The following GALNT12 variants were observed in gnomAD, a reference collection of about 807,000 sequenced individuals.
GALNT12 encodes UDP-GalNAc:polypeptide N-acetylgalactosaminyltransferase 12.
A neutral mutation model predicts 55.5 loss-of-function variants in GALNT12; 45 were observed. The observed-to-expected ratio is 0.81, with a 90% CI of 0.64 to 1.04. The LOEUF is 1.04. GALNT12 is among the 50% of genes least tolerant of loss of function. The pLI is 0.00. For missense variants in GALNT12, 709 were observed against 754.8 expected, an observed-to-expected ratio of 0.94 and a Z score of 0.71; for synonymous variants, 304 against 312.2, an observed-to-expected ratio of 0.97 and a Z score of 0.28.
At chr9:98,841,510 G>A (rs1278789409) in intron 7 of GALNT12, among the ~76,000 whole-genome samples, 1 of 152,072 alleles carries the variant, frequency 6.6e-6, no homozygotes, top group Non-Finnish European at 1.5e-5. Context: ...CCATTGCCTA[G>A]GCCCATTATT....
intron 2 of GALNT12, among the ~76,000 whole-genome samples, chr9:98,825,059 T>G (rs1342831185): frequency 6.6e-6 from 1 of 152,150 alleles, no homozygotes; most frequent in Non-Finnish European, 1.5e-5. Context: ...AGCTTCTACC[T>G]TGTAGGATCA....
chr9:98,836,907 A>G (rs1836164403), intron 5 of GALNT12, 65 bp from the exon 6 acceptor site: 3 of 1,552,938 alleles, frequency 1.9e-6, no homozygotes, highest in Non-Finnish European at 1.8e-6. Context: ...TCTTTGCTGC[A>G]GATACTATGG....
chr9:98,818,657 C>G (rs537825893), intron 1 of GALNT12, among the ~76,000 whole-genome samples: 3 of 152,230 alleles, frequency 2.0e-5, no homozygotes, highest in African/African-American at 7.2e-5. Context: ...TCCTCAGTCT[C>G]TCATGGTCTG....
At chr9:98,824,140 T>TA (rs1250721274) in intron 2 of GALNT12, among the ~76,000 whole-genome samples, 1 of 152,220 alleles carries the variant, frequency 6.6e-6, no homozygotes, top group East Asian at 1.9e-4. Flanking sequence ...AACTGGCCTC[T>TA]GTGTGTTCTA....
Position 98,831,756 on chromosome 9 carries a change from T to C in GALNT12, c.732-16T>C. The C allele has an allele frequency of 6.2e-7, 1 of 1,614,154 alleles. No homozygotes were observed. Among genetic ancestry groups the C allele is most frequent in the Admixed American group, 1.7e-5 (1 of 60,022 alleles). ...TCTGCATAGGAGAGACGGATGGATG[T>C]CTTGGGTGCTTTCAGGATCCATGAA... is the stretch of plus-strand genomic sequence containing the variant. On this transcript the variant is annotated splice_polypyrimidine_tract_variant and intron_variant, in intron 3 of 9. Transcript: ENST00000375011.
intron 4 of GALNT12, among the ~76,000 whole-genome samples, chr9:98,834,753 T>C (rs7849328): frequency 0.33 from 50,047 of 152,068 alleles, 8,500 homozygotes; most frequent in East Asian, 0.37. Context: ...CAGATGACCA[T>C]GGCCTGGAGC....
At chr9:98,837,539 G>T (rs1345608664) in intron 6 of GALNT12, among the ~76,000 whole-genome samples, 1 of 152,138 alleles carries the variant, frequency 6.6e-6, no homozygotes, top group Non-Finnish European at 1.5e-5. Flanking sequence ...TTGCACTCAT[G>T]GCTAACAGCA....
intron 3 of GALNT12, among the ~76,000 whole-genome samples, chr9:98,831,124 CAAA>C (rs1331250075): frequency 6.6e-6 from 1 of 152,120 alleles, no homozygotes; most frequent in Non-Finnish European, 1.5e-5. Context: ...CTGATACCTG[CAAA>C]AGGAAATTAT....
chr9:98,813,808 T>TA (rs35284739), intron 1 of GALNT12, among the ~76,000 whole-genome samples: 4 of 149,726 alleles, frequency 2.7e-5, no homozygotes, highest in Admixed American at 6.6e-5. Flanking sequence ...CCAAGAGATT[T>TA]AAAAAAAAAA....
Position 98,849,031 on chromosome 9 carries a change from T to G in GALNT12, c.1685T>G (p.Leu562Arg), listed in dbSNP as rs764337232. Residue 562 changes from leucine (L) to arginine (R), a missense_variant, in exon 10 of 10, where the codon CTC (leucine) becomes CGC (arginine). By Grantham distance (102) the Leu-to-Arg change is moderately radical. Transcript: ENST00000375011. ...RKESSDSFVP[L>R]LRDCTNSDHQ... ...GAGTCGAGTGACAGTTTCGTTCCAC[T>G]CTTACGAGACTGCACCAACTCGGAT... 11 of 1,614,100 alleles carry G rather than the reference T, an allele frequency of 6.8e-6. No individual in the cohort carries two copies. Among genetic ancestry groups the G allele is most frequent in the Non-Finnish European group, 5.9e-6 (7 of 1,180,038 alleles).
chr9:98,840,273 C>CTG, intron 7 of GALNT12, 140 bp downstream of exon 7: 1 of 939,864 alleles, frequency 1.1e-6, no homozygotes, highest in East Asian at 2.6e-5. Context: ...CCCCCCACCA[C>CTG]CTTTTTATCC....
At chr9:98,831,264 G>T (rs1336264018) in intron 3 of GALNT12, among the ~76,000 whole-genome samples, 1 of 152,216 alleles carries the variant, frequency 6.6e-6, no homozygotes, top group Non-Finnish European at 1.5e-5. Flanking sequence ...TTAACCCTCT[G>T]AATGGATATT....
Position 98,835,381 on chromosome 9 carries a change from C to T in GALNT12, c.1035+15C>T. On this transcript the variant is annotated intron_variant, in intron 5 of 9. Coordinates refer to ENST00000375011, the MANE Select transcript of GALNT12 (RefSeq NM_024642.5). ...TTTCCTTTAGGGTAAGTATTTCAGT[C>T]TTCTCTTTGGACATGTTCTTAACTG... 6.9e-7 allele frequency: 1 copy of T among 1,448,262 alleles called. No homozygotes were observed. The highest frequency in any genetic ancestry group is 1.1e-5 in the South Asian group (1 of 87,652). 89.7% of individuals were successfully genotyped at this position (1,448,262 alleles called of 1,614,324 possible).
chr9:98,849,022 T>G lies in GALNT12; in HGVS notation c.1676T>G (p.Phe559Cys), dbSNP rs985361459. ...GCGAGGAAGGAGTCGAGTGACAGTTTCGTTCCACTCTTACGAGACTGCACC... is the reference window on the plus strand; with the variant it reads ...GCGAGGAAGGAGTCGAGTGACAGTTGCGTTCCACTCTTACGAGACTGCACC... ...QAARKESSDS[F>C]VPLLRDCTNS... Residue 559 changes from phenylalanine to cysteine, a missense_variant, in exon 10 of 10, where the codon TTC becomes TGC. Phe to Cys is a radical substitution (Grantham distance 205). Around this residue, in one of 5 missense-constraint regions of GALNT12, gnomAD observed 262 missense variants for 310.7 expected, o/e 0.84. Coordinates refer to ENST00000375011, the MANE Select transcript of GALNT12 (RefSeq NM_024642.5). 3 of 1,614,082 alleles carry G rather than the reference T, an allele frequency of 1.9e-6. No individual in the cohort carries two copies. Among genetic ancestry groups the G allele is most frequent in the Admixed American group, 1.7e-5 (1 of 60,006 alleles).
chr9:98,808,385 C>G (rs1835424229), intron 1 of GALNT12, among the ~76,000 whole-genome samples: 1 of 152,142 alleles, frequency 6.6e-6, no homozygotes, highest in Non-Finnish European at 1.5e-5. Flanking sequence ...GCGAGGACCC[C>G]CCAGCACCCA....
chr9:98,816,035 G>T (rs770184932), intron 1 of GALNT12, among the ~76,000 whole-genome samples: 1 of 152,114 alleles, frequency 6.6e-6, no homozygotes, highest in Non-Finnish European at 1.5e-5. Flanking sequence ...AAAGTACAAG[G>T]CGTGCTGAAA....
intron 8 of GALNT12, among the ~76,000 whole-genome samples, chr9:98,845,297 C>G (rs751879253): frequency 6.6e-6 from 1 of 152,096 alleles, no homozygotes; most frequent in African/African-American, 2.4e-5. Flanking sequence ...CCACCTGTGT[C>G]AGAATTTTTG....
chr9:98,843,283 C>T (rs1429864164), intron 7 of GALNT12, among the ~76,000 whole-genome samples: 1 of 152,062 alleles, frequency 6.6e-6, no homozygotes, highest in African/African-American at 2.4e-5. Flanking sequence ...AGTACTACAG[C>T]TTAGAGTATT....
chr9:98,825,992 C>A (rs1385514622), intron 2 of GALNT12, among the ~76,000 whole-genome samples: 2 of 151,812 alleles, frequency 1.3e-5, no homozygotes, highest in African/African-American at 4.8e-5. Context: ...AAAAAATCAA[C>A]CAATTAATGC....
Sources: gnomAD v4.1 joint callset for allele counts (sites outside exome capture counted in the v4.1 genomes callset) on GRCh38, gnomAD v4.1.1 for gene constraint, gnomAD v4.1.1 regional missense constraint, MANE v1.5 for transcripts, NCBI Gene and HGNC (gene_info 2026-07-23, HGNC 2026-07-21) for gene names.